NSD3: variants seen among roughly 807,000 people sequenced by gnomAD.
The protein encoded by NSD3 is nuclear receptor binding SET domain protein 3.
A neutral mutation model predicts 160.8 loss-of-function variants in NSD3; 24 were observed. The ratio of observed to expected loss-of-function variants is 0.15; its 90% CI spans 0.11 to 0.21. NSD3 has a LOEUF of 0.21. NSD3 is among the 10% of genes least tolerant of loss of function. The pLI, the probability that NSD3 is intolerant of heterozygous loss-of-function variation, is 1.00. For synonymous variants in NSD3, 520 were observed against 600.0 expected (o/e 0.87, Z 1.95); for missense variants, 1,157 against 1,735.9 (o/e 0.67, Z 5.93).
At chr8:38,320,894 G>C in intron 8 of NSD3, 178 bp downstream of exon 8, 1 of 473,368 alleles carries the variant, frequency 2.1e-6, no homozygotes, top group Non-Finnish European at 3.7e-6. Flanking sequence ...GCTTGAAGCA[G>C]AATCACAGGG....
intron 1 of NSD3, among the ~76,000 whole-genome samples, chr8:38,378,720 G>A (rs1334221640): frequency 6.6e-6 from 1 of 151,878 alleles, no homozygotes; most frequent in African/African-American, 2.4e-5. Flanking sequence ...CTACTCGGGA[G>A]GCTAAGGCAC....
At chr8:38,309,662 C>A (rs113553599) in intron 12 of NSD3, among the ~76,000 whole-genome samples, 1 of 151,960 alleles carries the variant, frequency 6.6e-6, no homozygotes, top group African/African-American at 2.4e-5. Flanking sequence ...GTCAGTCCAT[C>A]GGTCCAGAGT....
At chr8:38,299,675 T>A (rs2131004636) in intron 14 of NSD3, 85 bp from the exon 15 acceptor site, 1 of 1,341,920 alleles carries the variant, frequency 7.5e-7, no homozygotes, top group East Asian at 2.7e-5. Flanking sequence ...ACCTATTATG[T>A]ATGCTTCAAA....
At position 38,329,827 on chromosome 8, in the gene NSD3, C is replaced by T; in HGVS notation, c.1132G>A (p.Ala378Thr). 6.2e-7 allele frequency: 1 copy of T among 1,613,130 alleles called. No homozygotes were observed. The highest frequency in any genetic ancestry group is 1.7e-4 in the Middle Eastern group (1 of 6,060). Residue 378 changes from alanine to threonine, a missense_variant, in exon 6 of 24, where the codon GCA (alanine) becomes ACA (threonine). This residue lies in a region of NSD3 where 168 missense variants were observed against 208.1 expected (regional missense o/e 0.81). Transcript: ENST00000317025. This position sits in a 1 kb window ranked among gnomAD's most constrained non-coding sequence, Gnocchi z 4.8. ...WDIGIAHAEK[A>T]LKMTREERIE... is the part of the protein sequence containing the mutation. Reference sequence around the variant, plus strand: ...CTTTCTTCTCGAGTCATTTTCAATGCTTTCTCTGCATGGGCAATGCCAATA... The same window carrying T: ...CTTTCTTCTCGAGTCATTTTCAATGTTTTCTCTGCATGGGCAATGCCAATA...
intron 21 of NSD3, 46 bp downstream of exon 21, chr8:38,279,494 C>T: frequency 6.2e-7 from 1 of 1,605,424 alleles, no homozygotes; most frequent in Non-Finnish European, 8.5e-7. Context: ...ATAGGATATT[C>T]TTTCTTCCTA....
intron 16 of NSD3, among the ~76,000 whole-genome samples, chr8:38,294,166 T>C (rs1247825615): frequency 1.3e-5 from 2 of 152,160 alleles, no homozygotes; most frequent in Non-Finnish European, 2.9e-5. Flanking sequence ...CATGGCTCAC[T>C]GTAGCCTTAA....
Position 38,319,156 on chromosome 8 carries a change from C to A in NSD3, c.1810-216G>T. The stretch of plus-strand genomic sequence containing the variant: ...GTGCTGAATATCAAGTGACAACACA[C>A]AGCCACATGCTCTCTAGCAAAGACT... On this transcript the variant is annotated intron_variant, in intron 8 of 23. Coordinates refer to ENST00000317025, the MANE Select transcript of NSD3 (RefSeq NM_023034.2). The surrounding 1 kb of genome is among the most constrained non-coding windows in gnomAD (Gnocchi z 4.1). The A allele has an allele frequency of 2.0e-6, 1 of 510,222 alleles. No individual in the cohort carries two copies. The highest frequency in any genetic ancestry group is 2.0e-5 in the African/African-American group (1 of 50,280). 31.6% of individuals were successfully genotyped at this position (510,222 alleles called of 1,614,324 possible).
intron 16 of NSD3, among the ~76,000 whole-genome samples, chr8:38,295,091 C>A (rs1809100782): frequency 6.8e-6 from 1 of 147,442 alleles, no homozygotes; most frequent in Non-Finnish European, 1.5e-5. Flanking sequence ...TTGCAGTGAG[C>A]CAAGATCGCG....
rs185940634 is a variant in NSD3 at position 38,270,761 on chromosome 8, A to C, written c.*4880T>G. The C allele has an allele frequency of 6.6e-6, 1 of 152,332 alleles. No individual in the cohort carries two copies. Among genetic ancestry groups the C allele is most frequent in the African/African-American group, 2.4e-5 (1 of 41,574 alleles). 9.4% of individuals were successfully genotyped at this position (152,332 alleles called of 1,614,324 possible). On this transcript the variant is annotated 3_prime_UTR_variant, in exon 24 of 24. Transcript: ENST00000317025. ...ACATAAGAAAACTAAGGACTGAATA[A>C]ATGACTTTGGCATCTATTCTATTTT...
intron 12 of NSD3, among the ~76,000 whole-genome samples, chr8:38,314,341 A>T (rs1809605842): frequency 6.6e-6 from 1 of 152,226 alleles, no homozygotes; most frequent in African/African-American, 2.4e-5. Flanking sequence ...CAATTTATTG[A>T]GCCCCCAAAA....
chr8:38,329,675 A>G lies in NSD3; in HGVS notation c.1284T>C (p.Thr428=). The change falls in exon 6 of 24, where the codon ACT becomes ACC. Residue 428 remains threonine (T), a synonymous_variant. Coordinates refer to ENST00000317025, the MANE Select transcript of NSD3 (RefSeq NM_023034.2). The surrounding 1 kb of genome is among the most constrained non-coding windows in gnomAD (Gnocchi z 4.8). ...CCCCTGCATTGGTCTGTTCTGGCTGAGTATTCAGCACAGATCTTGGTCGTC... is the reference window on the plus strand; with the variant it reads ...CCCCTGCATTGGTCTGTTCTGGCTGGGTATTCAGCACAGATCTTGGTCGTC... ...KTRRPRSVLN[T]QPEQTNAGEV... The G allele has an allele frequency of 6.2e-7, 1 of 1,614,234 alleles. No individual in the cohort carries two copies. Among genetic ancestry groups the G allele is most frequent in the East Asian group, 2.2e-5 (1 of 44,882 alleles).
At chr8:38,332,834 A>G (rs1810099803) in intron 4 of NSD3, among the ~76,000 whole-genome samples, 1 of 152,168 alleles carries the variant, frequency 6.6e-6, no homozygotes, top group East Asian at 1.9e-4. Context: ...ATCTTTTGCG[A>G]AAAATAGTCT....
intron 7 of NSD3, among the ~76,000 whole-genome samples, chr8:38,325,531 C>T (rs557032588): frequency 6.6e-6 from 1 of 152,254 alleles, no homozygotes; most frequent in South Asian, 2.1e-4. Flanking sequence ...ACCAAACCCA[C>T]CAGACATTCA....
intron 14 of NSD3, among the ~76,000 whole-genome samples, chr8:38,304,249 A>G (rs899236517): frequency 7.2e-5 from 11 of 152,246 alleles, no homozygotes; most frequent in Non-Finnish European, 2.9e-5. Flanking sequence ...GGAAGGATCT[A>G]CTTTGAATAG....
intron 1 of NSD3, among the ~76,000 whole-genome samples, chr8:38,356,367 G>A (rs1336082780): frequency 1.3e-5 from 2 of 152,020 alleles, no homozygotes; most frequent in Non-Finnish European, 2.9e-5. Flanking sequence ...TAATAGAAAA[G>A]TTTATAGAAT....
At chr8:38,294,825 A>C (rs1200609050) in intron 16 of NSD3, among the ~76,000 whole-genome samples, 1 of 151,790 alleles carries the variant, frequency 6.6e-6, no homozygotes, top group Non-Finnish European at 1.5e-5. Flanking sequence ...ATATTTATTC[A>C]ATTTAAATTA....
Position 38,317,342 on chromosome 8 carries a change from T to A in NSD3, c.1856-1300A>T, listed in dbSNP as rs933636956. 6 of 1,057,894 alleles carry A rather than the reference T, an allele frequency of 5.7e-6. No homozygotes were observed. The African/African-American group carries it at 9.9e-5, about 17-fold the overall frequency. The allele number at this position is 1,057,894 out of a possible 1,614,324, so 65.5% of individuals were successfully genotyped here. A position where few individuals can be genotyped will look rare whatever the true frequency, so the allele number is the denominator to read the frequency against. ...TACACAAATCTATCTCCTTCATTGC[T>A]GGTGTATGGACCCAGAACACCATCA... On this transcript the variant is annotated intron_variant, in intron 9 of 23. Transcript: ENST00000317025. The surrounding 1 kb of genome is among the most constrained non-coding windows in gnomAD (Gnocchi z 5.3).
At chr8:38,364,398 C>G (rs1293599501) in intron 1 of NSD3, among the ~76,000 whole-genome samples, 2 of 152,172 alleles carry the variant, frequency 1.3e-5, no homozygotes, top group Non-Finnish European at 1.5e-5. Flanking sequence ...CCCTGGACAA[C>G]CAGGAAAAGC....
At chr8:38,333,497 C>T (rs1163187039) in intron 4 of NSD3, among the ~76,000 whole-genome samples, 1 of 152,232 alleles carries the variant, frequency 6.6e-6, no homozygotes, top group Non-Finnish European at 1.5e-5. Context: ...TTTCAACATG[C>T]TCTTACAAAT....
Sources: gnomAD v4.1 joint callset for allele counts (sites outside exome capture counted in the v4.1 genomes callset) on GRCh38, gnomAD v4.1.1 for gene constraint, gnomAD v4.1.1 regional missense constraint, Gnocchi (gnomAD v3.1) non-coding constraint, MANE v1.5 for transcripts, NCBI Gene and HGNC (gene_info 2026-07-23, HGNC 2026-07-21) for gene names.